The following PLCD3 variants were observed in gnomAD, a reference collection of about 807,000 sequenced individuals.
PLCD3 encodes the protein 1-phosphatidylinositol 4,5-bisphosphate phosphodiesterase delta-3.
In PLCD3, 62 loss-of-function variants were observed where a neutral mutation model predicts 82.8. The ratio of observed to expected loss-of-function variants is 0.75; its 90% CI spans 0.61 to 0.93. The LOEUF is 0.93. PLCD3 is among the 40% of genes least tolerant of loss of function. PLCD3 has a pLI of 0.00. For missense variants in PLCD3, 1,023 were observed against 1,103.4 expected, an observed-to-expected ratio of 0.93 and a Z score of 1.03; for synonymous variants, 478 against 471.8, an observed-to-expected ratio of 1.01 and a Z score of -0.17.
Position 45,132,506 on chromosome 17 carries a change from G to T in PLCD3, c.-96C>A. 2 of 752,926 alleles carry T rather than the reference G, an allele frequency of 2.7e-6. No homozygotes were observed. The highest frequency in any genetic ancestry group is 3.4e-6 in the Non-Finnish European group (2 of 588,450). The allele number at this position is 752,926 out of a possible 1,614,324, so 46.6% of individuals were successfully genotyped here. On this transcript the variant is annotated 5_prime_UTR_variant, in exon 1 of 15. Transcript: ENST00000619929. The surrounding 1 kb of genome is among the most constrained non-coding windows in gnomAD (Gnocchi z 4.6). ...CCCGGCCCCGGCTCTGAGCGAGGCGGCGAGCGAAGAAACTTAGCGGCGCGG... is the reference window on the plus strand; with the variant it reads ...CCCGGCCCCGGCTCTGAGCGAGGCGTCGAGCGAAGAAACTTAGCGGCGCGG...
intron 3 of PLCD3, 82 bp downstream of exon 3, chr17:45,120,820 G>C: frequency 7.3e-7 from 1 of 1,363,798 alleles, no homozygotes; most frequent in African/African-American, 1.5e-5. Context: ...TTCCCTGGGC[G>C]TGGGGGCTCT....
chr17:45,128,312 G>A (rs1265583377), intron 1 of PLCD3, among the ~76,000 whole-genome samples: 2 of 152,236 alleles, frequency 1.3e-5, no homozygotes, highest in Non-Finnish European at 2.9e-5. Flanking sequence ...CATGAAACCT[G>A]GTTGGGTGCG....
intron 13 of PLCD3, 45 bp downstream of exon 13, chr17:45,113,077 T>C (rs779013454): frequency 6.2e-7 from 1 of 1,610,830 alleles, no homozygotes; most frequent in South Asian, 1.1e-5. Context: ...CACCCTTCGC[T>C]CTCTGCAGTC....
At position 45,112,710 on chromosome 17, in the gene PLCD3, G is replaced by A. The variant is rs1173071244; in HGVS notation, c.2282-6C>T. 4 of 1,602,046 alleles carry A rather than the reference G, an allele frequency of 2.5e-6. No homozygotes were observed. Among genetic ancestry groups the A allele is most frequent in the East Asian group, 2.3e-5 (1 of 44,382 alleles). On this transcript the variant is annotated splice_polypyrimidine_tract_variant and splice_region_variant and intron_variant, in intron 14 of 14. Transcript: ENST00000619929. ...CAGGTGTATGTGGCGGTACCCTGTA[G>A]GGAGGACAGCCAGGCCTCAGGTCCT...
At chr17:45,130,476 C>T (rs907198124) in intron 1 of PLCD3, among the ~76,000 whole-genome samples, 1 of 152,164 alleles carries the variant, frequency 6.6e-6, no homozygotes, top group African/African-American at 2.4e-5. Flanking sequence ...TCCCCTCAGC[C>T]CTTCCGCGGC....
rs142619782 is a variant in PLCD3, at chr17:45,122,000, C to T, written c.164-628G>A. 1.2e-3 allele frequency among the ~76,000 whole-genome samples: 186 copies of T among 152,152 alleles called. 1 individual carries two copies. The Middle Eastern group carries it at 0.014, about 11-fold the overall frequency. On this transcript the variant is annotated intron_variant, in intron 1 of 14. Coordinates refer to ENST00000619929, the MANE Select transcript of PLCD3 (RefSeq NM_133373.5). ...TTGCCTTTTCTGCCACTATCCCCCA[C>T]CACATGGCTTCCAGCCTTCAAGTCC...
chr17:45,127,174 T>G (rs1171861290), intron 1 of PLCD3, among the ~76,000 whole-genome samples: 2 of 152,160 alleles, frequency 1.3e-5, no homozygotes, highest in African/African-American at 4.8e-5. Flanking sequence ...GGCAGGGCTC[T>G]GGGGAAGTGA....
rs778795135 is a variant in PLCD3 at position 45,118,510 on chromosome 17, G to A, written c.914-18C>T. ...CTGCTTGGCTGCAGGGGTGGCAGGA[G>A]AGGGCATCAGGCCACATAGGGATCC... is the stretch of plus-strand genomic sequence containing the variant. On this transcript the variant is annotated intron_variant, in intron 5 of 14. Transcript: ENST00000619929. The surrounding 1 kb of genome is among the most constrained non-coding windows in gnomAD (Gnocchi z 4.1). 6.2e-7 allele frequency: 1 copy of A among 1,613,386 alleles called. No individual in the cohort carries two copies. Among genetic ancestry groups the A allele is most frequent in the Non-Finnish European group, 8.5e-7 (1 of 1,179,664 alleles).
At chr17:45,115,041 T>G in intron 10 of PLCD3, 53 bp downstream of exon 10, 1 of 1,546,250 alleles carries the variant, frequency 6.5e-7, no homozygotes, top group Non-Finnish European at 8.7e-7. Context: ...CAGACTCCCT[T>G]CAGGAGGTCT....
At position 45,120,420 on chromosome 17, in the gene PLCD3, T is replaced by G. The variant is rs778993028; in HGVS notation, c.589A>C (p.Asn197His). The G allele has an allele frequency of 1.2e-6, 2 of 1,614,022 alleles. No homozygotes were observed. Among genetic ancestry groups the G allele is most frequent in the Admixed American group, 3.3e-5 (2 of 60,032 alleles). The change falls in exon 4 of 15, where the codon AAC (asparagine) becomes CAC (histidine). Residue 197 changes from asparagine to histidine, a missense_variant. Physicochemically the swap from Asn to His is moderately conservative, Grantham distance 68. Around this residue, in one of 3 missense-constraint regions of PLCD3, gnomAD observed 448 missense variants for 406.3 expected, o/e 1.10. Transcript: ENST00000619929. ...TTGAAGCTCATCTTGCTGTCCTGGT[T>G]GGAGTCAGCCCGGTGCAGATAGGAG... is the stretch of plus-strand genomic sequence containing the variant. Reference protein sequence around the residue: ...IHSYLHRADSNQDSKMSFKEI... With the variant: ...IHSYLHRADSHQDSKMSFKEI...
intron 1 of PLCD3, among the ~76,000 whole-genome samples, chr17:45,125,914 T>C (rs1433930664): frequency 6.6e-6 from 1 of 152,194 alleles, no homozygotes; most frequent in East Asian, 1.9e-4. Flanking sequence ...TAGTTTCTGT[T>C]TGGATGATGA....
intron 1 of PLCD3, among the ~76,000 whole-genome samples, chr17:45,121,880 T>C (rs2054343723): frequency 6.6e-6 from 1 of 151,550 alleles, no homozygotes; most frequent in South Asian, 2.1e-4. Context: ...TCCCAGCTAC[T>C]TAGGAGGCTG....
rs553112982 is a variant in PLCD3 at position 45,132,478 on chromosome 17, T to C, written c.-68A>G. On this transcript the variant is annotated 5_prime_UTR_variant, in exon 1 of 15. Transcript: ENST00000619929. The surrounding 1 kb of genome is among the most constrained non-coding windows in gnomAD (Gnocchi z 4.6). ...GGGACAGGGCAGCGGGGCGCCGCTC[T>C]GGCCCGGCCCCGGCTCTGAGCGAGG... The C allele has an allele frequency of 3.5e-3, 3,295 of 945,598 alleles. 4 individuals are homozygous for C. Among genetic ancestry groups the C allele is most frequent in the Non-Finnish European group, 3.9e-3 (3,031 of 767,960 alleles). 58.6% of individuals were successfully genotyped at this position (945,598 alleles called of 1,614,324 possible). A position where few individuals can be genotyped will look rare whatever the true frequency, so the allele number is the denominator to read the frequency against.
At chr17:45,126,719 A>G (rs1173219781) in intron 1 of PLCD3, among the ~76,000 whole-genome samples, 2 of 151,950 alleles carry the variant, frequency 1.3e-5, no homozygotes, top group Non-Finnish European at 2.9e-5. Context: ...GCAGTGGCAC[A>G]ATAATGGCTC....
chr17:45,123,609 A>G (rs1041166356), intron 1 of PLCD3, among the ~76,000 whole-genome samples: 5 of 152,166 alleles, frequency 3.3e-5, no homozygotes, highest in Admixed American at 1.3e-4. Context: ...TTAGCTGTGC[A>G]TCGGAATTAC....
chr17:45,109,356 C>T lies in PLCD3; in HGVS notation c.*3260G>A, dbSNP rs952591877. 2 of 152,388 alleles carry T rather than the reference C, an allele frequency of 1.3e-5. No individual in the cohort carries two copies. The highest frequency in any genetic ancestry group is 2.4e-5 in the African/African-American group (1 of 41,476). 9.4% of individuals were successfully genotyped at this position (152,388 alleles called of 1,614,324 possible). On this transcript the variant is annotated 3_prime_UTR_variant, in exon 15 of 15. Transcript: ENST00000619929. The stretch of plus-strand genomic sequence containing the variant: ...GAGCAGCCCCCTTGGTCCAGGTCAG[C>T]AGTGGCTCCTCTGGTGGAGGTGCAG...
chr17:45,116,325 C>T (rs1567878713), intron 8 of PLCD3, among the ~76,000 whole-genome samples: 2 of 152,128 alleles, frequency 1.3e-5, no homozygotes, highest in East Asian at 3.9e-4. Context: ...AAGTGTCAAG[C>T]GGGGCCTTGC....
At chr17:45,126,658 A>G (rs1456324111) in intron 1 of PLCD3, among the ~76,000 whole-genome samples, 1 of 144,694 alleles carries the variant, frequency 6.9e-6, no homozygotes, top group Non-Finnish European at 1.5e-5. Flanking sequence ...ACCATTGTAT[A>G]CTTTTTTTTT....
At chr17:45,115,046 A>G in intron 10 of PLCD3, 48 bp downstream of exon 10, 1 of 1,552,628 alleles carries the variant, frequency 6.4e-7, no homozygotes, top group South Asian at 1.2e-5. Flanking sequence ...TCCCTTCAGG[A>G]GGTCTCTCAC....
Sources: gnomAD v4.1 joint callset for allele counts (sites outside exome capture counted in the v4.1 genomes callset) on GRCh38, gnomAD v4.1.1 for gene constraint, gnomAD v4.1.1 regional missense constraint, Gnocchi (gnomAD v3.1) non-coding constraint, MANE v1.5 for transcripts, NCBI Gene and HGNC (gene_info 2026-07-23, HGNC 2026-07-21) for gene names.